The following ZNF292 variants were observed in gnomAD, a reference collection of about 807,000 sequenced individuals.
ZNF292 encodes the protein 16 zinc-finger domain protein.
A neutral mutation model predicts 217.9 loss-of-function variants in ZNF292; 26 were observed. The observed-to-expected ratio is 0.12, with a 90% confidence interval of 0.09 to 0.17. The LOEUF (loss-of-function observed/expected upper bound fraction) is 0.17, where lower values mean the gene tolerates loss of function less well. Among genes scored for constraint, ZNF292 ranks in the 10% least tolerant of loss-of-function variants. ZNF292 has a pLI of 1.00. For missense variants in ZNF292, 2,904 were observed against 3,175.2 expected, an observed-to-expected ratio of 0.91 and a Z score of 2.05; for synonymous variants, 1,257 against 1,124.1, an observed-to-expected ratio of 1.12 and a Z score of -2.37.
rs769954538 is a variant in ZNF292 at position 87,257,669 on chromosome 6, G to A, written c.4040G>A (p.Arg1347His). 1.5e-5 allele frequency: 24 copies of A among 1,611,164 alleles called. No homozygotes were observed. Among genetic ancestry groups the A allele is most frequent in the African/African-American group, 1.1e-4 (8 of 74,874 alleles). ...GCACCTGAAAAAGTTAAAAAAGACC[G>A]TGGGCGGGGCCCAAATGGGAAGGAA... Reference protein sequence around the residue: ...QSAPEKVKKDRGRGPNGKERK... With the variant: ...QSAPEKVKKDHGRGPNGKERK... Residue 1347 changes from arginine to histidine, a missense_variant, in exon 8 of 8, where the codon CGT becomes CAT. Arg to His is a conservative substitution (Grantham distance 29). Transcript: ENST00000369577.
At chr6:87,239,736 C>T (rs1184404358) in intron 5 of ZNF292, among the ~76,000 whole-genome samples, 1 of 144,340 alleles carries the variant, frequency 6.9e-6, no homozygotes, top group Non-Finnish European at 1.5e-5. Context: ...GGCAGAGGCG[C>T]TCCTCACATC....
At chr6:87,223,203 C>G (rs1773180918) in intron 4 of ZNF292, 1 of 155,332 alleles carries the variant, frequency 6.4e-6, no homozygotes, top group Admixed American at 6.4e-5. Flanking sequence ...ACCTCAGCCT[C>G]CCGAGTAGCT....
chr6:87,197,843 G>A (rs1256676529), intron 1 of ZNF292, among the ~76,000 whole-genome samples: 2 of 151,550 alleles, frequency 1.3e-5, no homozygotes, highest in Non-Finnish European at 2.9e-5. Context: ...AACAGTAGGT[G>A]TTTTCAGTCT....
Position 87,259,923 on chromosome 6 carries a change from T to C in ZNF292, c.6294T>C (p.Val2098=). Reference sequence around the variant, plus strand: ...AGGAGAAAAAACGAAAGAAGCCAGTTTCCCAATCCCTTGAGTTTCCAACAA... The same window carrying C: ...AGGAGAAAAAACGAAAGAAGCCAGTCTCCCAATCCCTTGAGTTTCCAACAA... ...EKEEKKRKKP[V]SQSLEFPTRY... is the part of the protein sequence containing the mutation. The change falls in exon 8 of 8, where the codon GTT becomes GTC. Residue 2098 remains valine (V), a synonymous_variant. Transcript: ENST00000369577. The C allele has an allele frequency of 6.2e-7, 1 of 1,613,606 alleles. No homozygotes were observed. The highest frequency in any genetic ancestry group is 1.3e-5 in the African/African-American group (1 of 75,018).
chr6:87,163,450 CAA>C (rs751272449), intron 1 of ZNF292, among the ~76,000 whole-genome samples: 2 of 133,412 alleles, frequency 1.5e-5, no homozygotes. Context: ...GACTTCGCCT[CAA>C]AAAAAAAAAA....
chr6:87,259,585 A>T lies in ZNF292; in HGVS notation c.5956A>T (p.Arg1986Trp). Reference sequence around the variant, plus strand: ...AGAAATGGTAAAGTTAAAAATTAAAAGGCCTTATGGAAGAAAATCTCAGAG... The same window carrying T: ...AGAAATGGTAAAGTTAAAAATTAAATGGCCTTATGGAAGAAAATCTCAGAG... ...TEEMVKLKIKRPYGRKSQSEN... is the reference protein window; with the variant it reads ...TEEMVKLKIKWPYGRKSQSEN... The change falls in exon 8 of 8, where the codon AGG (arginine) becomes TGG (tryptophan). Residue 1986 changes from arginine to tryptophan, a missense_variant. Transcript: ENST00000369577. 1 of 1,577,096 alleles carries T rather than the reference A, an allele frequency of 6.3e-7. No homozygotes were observed. Among genetic ancestry groups the T allele is most frequent in the South Asian group, 1.2e-5 (1 of 86,324 alleles).
intron 4 of ZNF292, among the ~76,000 whole-genome samples, chr6:87,230,523 G>A (rs1296602129): frequency 6.6e-6 from 1 of 152,076 alleles, no homozygotes; most frequent in Non-Finnish European, 1.5e-5. Context: ...CACGAGGTCA[G>A]GATATCAAGA....
chr6:87,213,361 T>C (rs1227005887), intron 1 of ZNF292, among the ~76,000 whole-genome samples: 1 of 152,174 alleles, frequency 6.6e-6, no homozygotes, highest in South Asian at 2.1e-4. Flanking sequence ...GCGGAAAGGG[T>C]GCTCCTTGCA....
At position 87,258,535 on chromosome 6, in the gene ZNF292, C is replaced by G; in HGVS notation, c.4906C>G (p.Pro1636Ala). Residue 1636 changes from proline to alanine, a missense_variant, in exon 8 of 8, where the codon CCT becomes GCT. Around this residue, in one of 15 missense-constraint regions of ZNF292, gnomAD observed 622 missense variants for 573.1 expected, o/e 1.09. Coordinates refer to ENST00000369577, the MANE Select transcript of ZNF292 (RefSeq NM_015021.3). The part of the protein sequence containing the change: ...SASKRRKKVA[P>A]PLIAPNASQN... ...TTCTAAGAGAAGAAAGAAAGTTGCT[C>G]CTCCACTAATTGCACCTAACGCTTC... 1 of 1,613,588 alleles carries G rather than the reference C, an allele frequency of 6.2e-7. No homozygotes were observed. Among genetic ancestry groups the G allele is most frequent in the Non-Finnish European group, 8.5e-7 (1 of 1,179,744 alleles).
At position 87,258,117 on chromosome 6, in the gene ZNF292, T is replaced by C; in HGVS notation, c.4488T>C (p.Thr1496=). The C allele has an allele frequency of 6.2e-7, 1 of 1,612,798 alleles. No individual in the cohort carries two copies. The part of the protein sequence containing the change: ...GSEIIKQALE[T]AGIPSTFEGA... Reference sequence around the variant, plus strand: ...AAATTATTAAACAGGCTTTGGAAACTGCTGGCATTCCCAGTACATTTGAGG... The same window carrying C: ...AAATTATTAAACAGGCTTTGGAAACCGCTGGCATTCCCAGTACATTTGAGG... The change falls in exon 8 of 8, where the codon ACT becomes ACC. Residue 1496 remains threonine, a synonymous_variant. Transcript: ENST00000369577.
rs147422002 is a variant in ZNF292 at position 87,196,073 on chromosome 6, TTC to T, written c.169-19828_169-19827del. On this transcript the variant is annotated intron_variant, in intron 1 of 7. Transcript: ENST00000369577. ...AAAAAAAAATTGAGAATTAGGATGTTTCTATTTGTAAAAAGCTTATCAAGAAT... is the reference window on the plus strand; with the variant it reads ...AAAAAAAAATTGAGAATTAGGATGTTTATTTGTAAAAAGCTTATCAAGAAT... Among the ~76,000 whole-genome samples the T allele has an allele frequency of 5.6e-3, 853 of 152,176 alleles. 5 individuals carry two copies. The highest frequency in any genetic ancestry group is 0.02 in the African/African-American group (810 of 41,534).
At chr6:87,190,599 GC>G (rs1206593346) in intron 1 of ZNF292, among the ~76,000 whole-genome samples, 2 of 152,126 alleles carry the variant, frequency 1.3e-5, no homozygotes, top group East Asian at 3.9e-4. Flanking sequence ...TCAGCCTCTT[GC>G]GTAGCTGGGA....
rs540655624 is a variant in ZNF292 at position 87,265,833 on chromosome 6, G to A, written c.*4032G>A. On this transcript the variant is annotated 3_prime_UTR_variant, in exon 8 of 8. Coordinates refer to ENST00000369577, the MANE Select transcript of ZNF292 (RefSeq NM_015021.3). ...TATATCCCAATGGGTTGATTCCTTTGCTGTATTGGTTGTTAATGTTTTGAA... is the reference window on the plus strand; with the variant it reads ...TATATCCCAATGGGTTGATTCCTTTACTGTATTGGTTGTTAATGTTTTGAA... Among the ~76,000 whole-genome samples, 12 of 152,258 alleles carry A rather than the reference G, an allele frequency of 7.9e-5. No individual in the cohort carries two copies. In the East Asian group the frequency reaches 1.7e-3, roughly 22 times the overall value.
chr6:87,255,193 A>C lies in ZNF292; in HGVS notation c.1564A>C (p.Lys522Gln). The C allele has an allele frequency of 6.2e-7, 1 of 1,613,842 alleles. No homozygotes were observed. The highest frequency in any genetic ancestry group is 2.2e-5 in the East Asian group (1 of 44,866). The change falls in exon 8 of 8, where the codon AAA becomes CAA. Residue 522 changes from lysine to glutamine, a missense_variant. Around this residue, in one of 15 missense-constraint regions of ZNF292, gnomAD observed 87 missense variants for 99.6 expected, o/e 0.87. Transcript: ENST00000369577. ...TGAAAAGCAGAAGAAGAGAGAGATA[A>C]AACAGTTAAGAGAGAGGGGATTTAT... Reference protein sequence around the residue: ...GDEKQKKREIKQLRERGFISA... With the variant: ...GDEKQKKREIQQLRERGFISA...
At chr6:87,158,831 A>C (rs1332822439) in intron 1 of ZNF292, among the ~76,000 whole-genome samples, 1 of 152,226 alleles carries the variant, frequency 6.6e-6, no homozygotes, top group Non-Finnish European at 1.5e-5. Flanking sequence ...ATTATGTCTT[A>C]GTTTCTAACC....
rs766306694 is a variant in ZNF292 at position 87,260,582 on chromosome 6, C to A, written c.6953C>A (p.Thr2318Asn). The part of the protein sequence containing the change: ...QEKSKSKHRG[T>N]KHSRCGKEGI... ...AAATCAAAGTCTAAACATCGGGGGA[C>A]CAAGCACAGCAGATGTGGAAAGGAA... is the stretch of plus-strand genomic sequence containing the variant. The change falls in exon 8 of 8, where the codon ACC becomes AAC. Residue 2318 changes from threonine (T) to asparagine (N), a missense_variant. Physicochemically the swap from Thr to Asn is moderately conservative, Grantham distance 65. This residue lies in a region of ZNF292 where 101 missense variants were observed against 89.5 expected (regional missense o/e 1.13). Coordinates refer to ENST00000369577, the MANE Select transcript of ZNF292 (RefSeq NM_015021.3). The A allele has an allele frequency of 6.2e-7, 1 of 1,612,252 alleles. No individual in the cohort carries two copies. The highest frequency in any genetic ancestry group is 2.2e-5 in the East Asian group (1 of 44,856).
chr6:87,165,426 A>G (rs1770881878), intron 1 of ZNF292, among the ~76,000 whole-genome samples: 1 of 152,116 alleles, frequency 6.6e-6, no homozygotes, highest in Non-Finnish European at 1.5e-5. Context: ...GATAAGGGAT[A>G]CTCACCCGGG....
chr6:87,189,787 C>G (rs1771775169), intron 1 of ZNF292, among the ~76,000 whole-genome samples: 1 of 152,100 alleles, frequency 6.6e-6, no homozygotes, highest in African/African-American at 2.4e-5. Context: ...TTATTCTTCA[C>G]CCTTCCCCTT....
chr6:87,264,597 GAATGCTCATTGGTTC>G lies in ZNF292; in HGVS notation c.*2798_*2812del, dbSNP rs1390607523. Among the ~76,000 whole-genome samples, 1 of 152,154 alleles carries G rather than the reference GAATGCTCATTGGTTC, an allele frequency of 6.6e-6. No homozygotes were observed. The highest frequency in any genetic ancestry group is 1.5e-5 in the Non-Finnish European group (1 of 68,036). On this transcript the variant is annotated 3_prime_UTR_variant, in exon 8 of 8. Coordinates refer to ENST00000369577, the MANE Select transcript of ZNF292 (RefSeq NM_015021.3). The stretch of plus-strand genomic sequence containing the variant: ...AAAATATGAGTTTTGAAAGATGAAT[GAATGCTCATTGGTTC>G]AGGGGGACAAGGGAATTCCAGACTT...
Sources: allele counts gnomAD v4.1 joint callset (sites outside exome capture counted in the v4.1 genomes callset), GRCh38; gene constraint gnomAD v4.1.1; regional missense constraint gnomAD v4.1.1; transcripts MANE v1.5; gene names NCBI Gene and HGNC (gene_info 2026-07-23, HGNC 2026-07-21).